The following AGBL1 variants were observed in gnomAD, a reference collection of about 807,000 sequenced individuals.
AGBL1 encodes AGBL carboxypeptidase 1.
AGBL1 carries 130 observed loss-of-function variants against 118.9 expected under a neutral mutation model. The observed-to-expected ratio is 1.09, with a 90% CI of 0.95 to 1.26. The LOEUF is 1.26. AGBL1 is among the 50% of genes most tolerant of loss of function. The pLI is 0.00. For missense variants in AGBL1, 1,584 were observed against 1,298.1 expected (o/e 1.22, Z -3.38); for synonymous variants, 555 against 478.9 (o/e 1.16, Z -2.08).
intron 18 of AGBL1, among the ~76,000 whole-genome samples, chr15:86,474,064 A>G (rs1454110883): frequency 6.6e-6 from 1 of 152,162 alleles, no homozygotes; most frequent in Non-Finnish European, 1.5e-5. Context: ...GCTGATTTTG[A>G]CACACACAAA....
intron 18 of AGBL1, among the ~76,000 whole-genome samples, chr15:86,412,326 G>A (rs1047467882): frequency 1.3e-5 from 2 of 152,140 alleles, no homozygotes; most frequent in African/African-American, 4.8e-5. Context: ...AGCAATTTAT[G>A]TCCTTTGTTT....
intron 22 of AGBL1, among the ~76,000 whole-genome samples, chr15:86,845,254 C>T (rs965359715): frequency 6.6e-6 from 1 of 152,006 alleles, no homozygotes; most frequent in Non-Finnish European, 1.5e-5. Flanking sequence ...AAATTGTCAT[C>T]TTAATATTGA....
At chr15:86,774,227 C>A (rs967357026) in intron 22 of AGBL1, among the ~76,000 whole-genome samples, 4 of 152,086 alleles carry the variant, frequency 2.6e-5, no homozygotes, top group African/African-American at 9.7e-5. Context: ...TCAGGAGTTT[C>A]TGACAGATCA....
At chr15:86,630,533 T>C (rs977892564) in intron 21 of AGBL1, 4 of 152,362 alleles carry the variant, frequency 2.6e-5, no homozygotes, top group African/African-American at 7.2e-5. Flanking sequence ...CACCTGGGCA[T>C]TGTGTTAAAA....
intron 23 of AGBL1, among the ~76,000 whole-genome samples, chr15:86,983,747 T>C (rs553568399): frequency 6.6e-6 from 1 of 152,304 alleles, no homozygotes; most frequent in South Asian, 2.1e-4. Flanking sequence ...TCAATATAGG[T>C]TAGTCTTCAG....
intron 18 of AGBL1, among the ~76,000 whole-genome samples, chr15:86,474,595 A>G (rs1332531369): frequency 1.3e-5 from 2 of 152,230 alleles, no homozygotes; most frequent in Non-Finnish European, 2.9e-5. Context: ...AACTGGGTGG[A>G]GCCCACTGCA....
chr15:86,264,979 G>T, intron 11 of AGBL1, 141 bp downstream of exon 11: 1 of 836,716 alleles, frequency 1.2e-6, no homozygotes, highest in Non-Finnish European at 1.7e-6. Context: ...TGGCAAACTG[G>T]CCAAACACAC....
intron 13 of AGBL1, among the ~76,000 whole-genome samples, chr15:86,269,656 T>A (rs1242225045): frequency 1.3e-5 from 2 of 152,202 alleles, no homozygotes. Context: ...CTATTGTGTA[T>A]CCATAATAGT....
intron 22 of AGBL1, among the ~76,000 whole-genome samples, chr15:86,790,264 C>T (rs900294357): frequency 6.6e-6 from 1 of 151,936 alleles, no homozygotes; most frequent in African/African-American, 2.4e-5. Context: ...CATTATCAAC[C>T]TGAGGAAAGG....
At chr15:86,230,149 C>T (rs960159560) in intron 6 of AGBL1, among the ~76,000 whole-genome samples, 1 of 152,192 alleles carries the variant, frequency 6.6e-6, no homozygotes, top group African/African-American at 2.4e-5. Flanking sequence ...GACAGCCCGT[C>T]AGCCTGTTGC....
chr15:86,999,218 A>G (rs1596723686), intron 24 of AGBL1, among the ~76,000 whole-genome samples: 1 of 150,398 alleles, frequency 6.6e-6, no homozygotes, highest in East Asian at 2.0e-4. Context: ...TAAAATTTTT[A>G]TATATATATT....
intron 5 of AGBL1, among the ~76,000 whole-genome samples, chr15:86,180,327 G>A (rs1405652828): frequency 1.3e-5 from 2 of 152,060 alleles, no homozygotes; most frequent in East Asian, 3.8e-4. Context: ...AGATAGTGGG[G>A]TATCAGTGTC....
chr15:86,203,111 AATGATGATG>A (rs570110878), intron 5 of AGBL1, among the ~76,000 whole-genome samples: 2 of 151,664 alleles, frequency 1.3e-5, no homozygotes, highest in African/African-American at 4.8e-5. Flanking sequence ...TGATAGTGAT[AATGATGATG>A]ATGATGATGA....
intron 22 of AGBL1, among the ~76,000 whole-genome samples, chr15:86,805,149 T>C (rs940753185): frequency 6.6e-6 from 1 of 152,104 alleles, no homozygotes; most frequent in Non-Finnish European, 1.5e-5. Context: ...TGACAAATTA[T>C]ATCAATCCAT....
intron 20 of AGBL1, among the ~76,000 whole-genome samples, chr15:86,547,883 G>A (rs917730204): frequency 1.4e-4 from 21 of 152,148 alleles, no homozygotes; most frequent in African/African-American, 4.6e-4. Context: ...TGACATATGT[G>A]GAGGTAGTGA....
chr15:86,863,784 G>A (rs1309222892), intron 22 of AGBL1, among the ~76,000 whole-genome samples: 1 of 152,146 alleles, frequency 6.6e-6, no homozygotes. Context: ...GCTTCTAAAG[G>A]AAAACACATG....
intron 23 of AGBL1, among the ~76,000 whole-genome samples, chr15:86,947,371 T>C (rs1193350261): frequency 6.6e-6 from 1 of 152,186 alleles, no homozygotes; most frequent in African/African-American, 2.4e-5. Flanking sequence ...TTTTAAAATT[T>C]AGTATTCCTT....
Position 86,990,722 on chromosome 15 carries a change from C to T in AGBL1, c.3323+2634C>T, listed in dbSNP as rs146505211. Among the ~76,000 whole-genome samples, 9 of 152,216 alleles carry T rather than the reference C, an allele frequency of 5.9e-5. No homozygotes were observed. The East Asian group carries it at 1.7e-3, about 29-fold the overall frequency. On this transcript the variant is annotated intron_variant, in intron 24 of 24. Coordinates refer to the AGBL1 transcript ENST00000441037. ...GGTACAGAGAGGTAAAATACCTGCACATGTTTAAAGAGTCTCAGGGAGTTA... is the reference window on the plus strand; with the variant it reads ...GGTACAGAGAGGTAAAATACCTGCATATGTTTAAAGAGTCTCAGGGAGTTA...
At chr15:86,405,902 A>C (rs2081521755) in intron 18 of AGBL1, among the ~76,000 whole-genome samples, 2 of 151,556 alleles carry the variant, frequency 1.3e-5, no homozygotes, top group African/African-American at 4.8e-5. Flanking sequence ...CAAATGCCAG[A>C]GGAGGAGTTA....
Sources: gnomAD v4.1 joint callset for allele counts (sites outside exome capture counted in the v4.1 genomes callset) on GRCh38, gnomAD v4.1.1 for gene constraint, MANE v1.5 for transcripts, NCBI Gene and HGNC (gene_info 2026-07-23, HGNC 2026-07-21) for gene names.